DACH1: variants seen among roughly 807,000 people sequenced by gnomAD.
DACH1 encodes dachshund homolog 1.
Under a neutral mutation model 54.2 loss-of-function variants are expected in DACH1, and 12 were observed. The ratio of observed to expected loss-of-function variants is 0.22; its 90% confidence interval spans 0.14 to 0.36. The LOEUF (loss-of-function observed/expected upper bound fraction) is 0.36. DACH1 is among the 10% of genes least tolerant of loss of function. The probability of loss-of-function intolerance (pLI) is 1.00; values close to 1 mark genes in which losing one functional copy is unlikely to be tolerated. For missense variants in DACH1, 805 were observed against 929.8 expected, an observed-to-expected ratio of 0.87 and a Z score of 1.75; for synonymous variants, 386 against 366.2, an observed-to-expected ratio of 1.05 and a Z score of -0.62.
At chr13:71,659,284 C>G (rs529501275) in intron 2 of DACH1, among the ~76,000 whole-genome samples, 1 of 152,182 alleles carries the variant, frequency 6.6e-6, no homozygotes, top group Non-Finnish European at 1.5e-5. Flanking sequence ...CACAAATTTA[C>G]AAGCAGATAT....
chr13:71,678,753 G>C (rs1396013800), intron 2 of DACH1, among the ~76,000 whole-genome samples: 1 of 151,956 alleles, frequency 6.6e-6, no homozygotes, highest in African/African-American at 2.4e-5. Flanking sequence ...GATCTCCCAG[G>C]TTCAAGTGAT....
At chr13:71,760,966 A>T (rs761056329) in intron 1 of DACH1, among the ~76,000 whole-genome samples, 5 of 152,100 alleles carry the variant, frequency 3.3e-5, no homozygotes, top group Non-Finnish European at 7.4e-5. Flanking sequence ...TTCATAATCC[A>T]TTGTCTCTAT....
At chr13:71,522,990 T>C (rs1404947273) in intron 6 of DACH1, among the ~76,000 whole-genome samples, 1 of 152,162 alleles carries the variant, frequency 6.6e-6, no homozygotes, top group African/African-American at 2.4e-5. Flanking sequence ...TGCATATGTT[T>C]ATTTCACCAT....
chr13:71,455,717 C>T (rs1395733683), intron 10 of DACH1, among the ~76,000 whole-genome samples: 3 of 151,986 alleles, frequency 2.0e-5, no homozygotes. Context: ...AGATCTGTCC[C>T]TTAAAAGCAT....
chr13:71,773,435 T>A (rs1885940788), intron 1 of DACH1, among the ~76,000 whole-genome samples: 1 of 151,930 alleles, frequency 6.6e-6, no homozygotes, highest in Admixed American at 6.6e-5. Flanking sequence ...TGAGAATATA[T>A]TCTAGCATTA....
chr13:71,529,189 T>TTTTTGTTTTTTTTTTTTTTTGTTTG (rs1566318729), intron 6 of DACH1, among the ~76,000 whole-genome samples: 3 of 146,612 alleles, frequency 2.0e-5, no homozygotes, highest in African/African-American at 7.7e-5. Flanking sequence ...TTGGGTTTTT[T>TTTTTGTTTTTTTTTTTTTTTGTTTG]TTTTTTTTTT....
intron 1 of DACH1, 27 bp from the exon 2 acceptor site, chr13:71,681,937 A>G: frequency 7.0e-7 from 1 of 1,427,972 alleles, no homozygotes; most frequent in Non-Finnish European, 9.8e-7. Flanking sequence ...AAAAATTTTT[A>G]CAATTAAGCT....
At chr13:71,802,067 G>C (rs1181130895) in intron 1 of DACH1, among the ~76,000 whole-genome samples, 2 of 152,006 alleles carry the variant, frequency 1.3e-5, no homozygotes, top group African/African-American at 4.8e-5. Context: ...CAATTTCTAG[G>C]AAGTGCACAA....
chr13:71,661,915 G>A (rs557280299), intron 2 of DACH1, among the ~76,000 whole-genome samples: 2 of 151,878 alleles, frequency 1.3e-5, no homozygotes, highest in East Asian at 1.9e-4. Context: ...TGTAACCTCC[G>A]TAACTATATC....
chr13:71,485,953 C>T (rs1042031614), intron 7 of DACH1, among the ~76,000 whole-genome samples: 1 of 151,348 alleles, frequency 6.6e-6, no homozygotes, highest in Admixed American at 6.6e-5. Context: ...GTCTGGTGCC[C>T]AATTTTTATA....
chr13:71,810,431 A>G (rs1342613891), intron 1 of DACH1, among the ~76,000 whole-genome samples: 1 of 152,222 alleles, frequency 6.6e-6, no homozygotes, highest in Non-Finnish European at 1.5e-5. Flanking sequence ...GGAATAGTGA[A>G]CACCTACAAC....
At chr13:71,511,236 A>G (rs1000761552) in intron 6 of DACH1, among the ~76,000 whole-genome samples, 6 of 152,024 alleles carry the variant, frequency 3.9e-5, no homozygotes, top group South Asian at 2.1e-4. Flanking sequence ...TTAGAAAACT[A>G]CTATTTATAA....
At chr13:71,459,394 T>C (rs1339822783) in intron 10 of DACH1, among the ~76,000 whole-genome samples, 3 of 151,920 alleles carry the variant, frequency 2.0e-5, no homozygotes, top group Non-Finnish European at 4.4e-5. Context: ...ATAACAGTTG[T>C]AGTGTTTCAG....
intron 1 of DACH1, among the ~76,000 whole-genome samples, chr13:71,810,351 C>G (rs933560191): frequency 3.9e-5 from 6 of 152,000 alleles, no homozygotes; most frequent in Admixed American, 6.6e-5. Context: ...AAAAAGAGTA[C>G]GGGCAAAGAG....
intron 6 of DACH1, among the ~76,000 whole-genome samples, chr13:71,527,378 C>A (rs1882057435): frequency 6.6e-6 from 1 of 152,084 alleles, no homozygotes; most frequent in South Asian, 2.1e-4. Context: ...AAATGTAAGT[C>A]ATTTCCTTCT....
At chr13:71,655,282 T>A (rs1056341097) in intron 2 of DACH1, among the ~76,000 whole-genome samples, 1 of 152,026 alleles carries the variant, frequency 6.6e-6, no homozygotes, top group Non-Finnish European at 1.5e-5. Flanking sequence ...TTTCTCCCAA[T>A]CACTTGAATA....
intron 2 of DACH1, among the ~76,000 whole-genome samples, chr13:71,673,039 G>C (rs9542732): frequency 0.73 from 110,326 of 152,096 alleles, 42,346 homozygotes; most frequent in Non-Finnish European, 0.87. Flanking sequence ...TCTACTGAGA[G>C]AGAAGTATAA....
At chr13:71,853,593 A>G (rs1401984886) in intron 1 of DACH1, among the ~76,000 whole-genome samples, 1 of 152,178 alleles carries the variant, frequency 6.6e-6, no homozygotes, top group African/African-American at 2.4e-5. Flanking sequence ...TAAGAAAAAC[A>G]TTATAATATA....
intron 1 of DACH1, among the ~76,000 whole-genome samples, chr13:71,779,752 C>T (rs1252869406): frequency 1.3e-5 from 2 of 151,950 alleles, no homozygotes; most frequent in Admixed American, 1.3e-4. Flanking sequence ...CTTCAAAATT[C>T]AACAAAAAAG....
Sources: allele counts gnomAD v4.1 joint callset (sites outside exome capture counted in the v4.1 genomes callset), GRCh38; gene constraint gnomAD v4.1.1; transcripts MANE v1.5; gene names NCBI Gene and HGNC (gene_info 2026-07-23, HGNC 2026-07-21).